The following SSBP4 variants were observed in gnomAD, a reference collection of about 807,000 sequenced individuals.
SSBP4 encodes the protein single stranded DNA binding protein 4.
SSBP4 carries 33 observed loss-of-function variants against 64.6 expected under a neutral mutation model. The observed-to-expected ratio is 0.51, with a 90% CI of 0.39 to 0.68. The LOEUF (loss-of-function observed/expected upper bound fraction) is 0.68, where lower values mean the gene tolerates loss of function less well. Ranked by LOEUF, SSBP4 falls within the 30% of genes least tolerant of loss-of-function variation. The pLI, the probability that SSBP4 is intolerant of heterozygous loss-of-function variation, is 0.00. For synonymous variants in SSBP4, 243 were observed against 224.0 expected, an observed-to-expected ratio of 1.08 and a Z score of -0.76; for missense variants, 583 against 566.8, an observed-to-expected ratio of 1.03 and a Z score of -0.29.
intron 4 of SSBP4, among the ~76,000 whole-genome samples, chr19:18,430,352 G>A (rs890284990): frequency 3.9e-5 from 6 of 152,174 alleles, no homozygotes; most frequent in South Asian, 2.1e-4. Flanking sequence ...CCAGCACCCT[G>A]TCTTGTCGCC....
chr19:18,426,976 G>T lies in SSBP4; in HGVS notation c.60-375G>T, dbSNP rs1384181544. Among the ~76,000 whole-genome samples, 2 of 152,080 alleles carry T rather than the reference G, an allele frequency of 1.3e-5. No homozygotes were observed. The highest frequency in any genetic ancestry group is 1.9e-4 in the East Asian group (1 of 5,192). On this transcript the variant is annotated intron_variant, in intron 1 of 17. Coordinates refer to ENST00000270061, the MANE Select transcript of SSBP4 (RefSeq NM_032627.5). This position sits in a 1 kb window ranked among gnomAD's most constrained non-coding sequence, Gnocchi z 4.5. The stretch of plus-strand genomic sequence containing the variant: ...CGGGGAGGCTGGGGATGAGTTTGGA[G>T]GTGGGCCCTGAGCACACTACATGGC...
At chr19:18,431,521 C>T (rs924619885) in intron 6 of SSBP4, 103 bp downstream of exon 6, 13 of 1,368,366 alleles carry the variant, frequency 9.5e-6, no homozygotes, top group African/African-American at 2.9e-5. Context: ...GCCAGCTGGC[C>T]GGGCTTTGCT....
the SSBP4 span, among the ~76,000 whole-genome samples, chr19:18,411,613 G>A: frequency 6.6e-6 from 1 of 152,166 alleles, no homozygotes; most frequent in Non-Finnish European, 1.5e-5. Flanking sequence ...AGAGAAGCTG[G>A]CCATGGTGTA....
Position 18,419,455 on chromosome 19 carries a change from G to C in SSBP4, c.-194G>C. On this transcript the variant is annotated 5_prime_UTR_variant, in exon 1 of 18. Coordinates refer to ENST00000270061, the MANE Select transcript of SSBP4 (RefSeq NM_032627.5). ...AGGAAAAAAAGCCACCCTGCGGCCG[G>C]GGCCGGAGCTGGAGCCGCCGCTGCC... 9.4e-7 allele frequency: 1 copy of C among 1,064,604 alleles called. No homozygotes were observed. Among genetic ancestry groups the C allele is most frequent in the Non-Finnish European group, 1.1e-6 (1 of 882,756 alleles). 65.9% of individuals were successfully genotyped at this position (1,064,604 alleles called of 1,614,324 possible).
Position 18,430,841 on chromosome 19 carries a change from A to G in SSBP4, c.280A>G (p.Ser94Gly). ...SGEAKAFQDY[S>G]AAAAPSPVMG... is the part of the protein sequence containing the mutation. Reference sequence around the variant, plus strand: ...CTCTGGGTTTCCCGCACCCTTACAGAGTGCTGCAGCCGCCCCCAGCCCCGT... The same window carrying G: ...CTCTGGGTTTCCCGCACCCTTACAGGGTGCTGCAGCCGCCCCCAGCCCCGT... Residue 94 changes from serine to glycine, a missense_variant and splice_region_variant, in exon 5 of 18, where the codon AGT (serine) becomes GGT (glycine). Ser to Gly is a moderately conservative substitution (Grantham distance 56, BLOSUM62 0). Around this residue, in one of 5 missense-constraint regions of SSBP4, gnomAD observed 444 missense variants for 386.6 expected, o/e 1.15. Coordinates refer to ENST00000270061, the MANE Select transcript of SSBP4 (RefSeq NM_032627.5). 1 of 1,611,898 alleles carries G rather than the reference A, an allele frequency of 6.2e-7. No individual in the cohort carries two copies. Among genetic ancestry groups the G allele is most frequent in the South Asian group, 1.1e-5 (1 of 90,950 alleles).
the SSBP4 span, among the ~76,000 whole-genome samples, chr19:18,407,211 T>C: frequency 6.6e-6 from 1 of 151,626 alleles, no homozygotes; most frequent in Non-Finnish European, 1.5e-5. Context: ...CTAATTTTTG[T>C]ATTTTTAGTA....
chr19:18,406,852 G>C, the SSBP4 span, among the ~76,000 whole-genome samples: 1 of 151,898 alleles, frequency 6.6e-6, no homozygotes, highest in African/African-American at 2.4e-5. Context: ...GTCTGGGCCA[G>C]GGAGGACTTA....
chr19:18,425,256 G>C (rs563087361), intron 1 of SSBP4, among the ~76,000 whole-genome samples: 1 of 152,064 alleles, frequency 6.6e-6, no homozygotes, highest in Non-Finnish European at 1.5e-5. Flanking sequence ...CTGGGTGTGG[G>C]GTACCCAGAA....
chr19:18,430,736 C>T (rs561691515), intron 4 of SSBP4, 105 bp from the exon 5 acceptor site: 9 of 973,782 alleles, frequency 9.2e-6, no homozygotes, highest in East Asian at 2.8e-5. Flanking sequence ...AATGCCAGCT[C>T]GCTGTCCCAT....
chr19:18,419,102 T>A (rs979153316), upstream of SSBP4: 5 of 985,446 alleles, frequency 5.1e-6, no homozygotes, highest in African/African-American at 8.7e-5. Context: ...TCGCTGCGAA[T>A]GTGTGTGGCT....
rs769539712 is a variant in SSBP4 at position 18,430,939 on chromosome 19, C to T, written c.369+9C>T. On this transcript the variant is annotated intron_variant, in intron 5 of 17. Transcript: ENST00000270061. The stretch of plus-strand genomic sequence containing the variant: ...CGGCTGGCTTCTTCCAGGTATGGCC[C>T]CGGCTGGAGTCCACTGGCCCCCAAC... 6.2e-7 allele frequency: 1 copy of T among 1,611,030 alleles called. No individual in the cohort carries two copies. Among genetic ancestry groups the T allele is most frequent in the East Asian group, 2.2e-5 (1 of 44,844 alleles).
In SSBP4 at chr19:18,430,853, G is replaced by T. The variant is rs192982931; in HGVS notation, c.292G>T (p.Ala98Ser). The change falls in exon 5 of 18, where the codon GCC becomes TCC. Residue 98 changes from alanine to serine, a missense_variant. Ala to Ser is a moderately conservative substitution (Grantham distance 99). Coordinates refer to ENST00000270061, the MANE Select transcript of SSBP4 (RefSeq NM_032627.5). ...CGCACCCTTACAGAGTGCTGCAGCC[G>T]CCCCCAGCCCCGTTATGGGGAGTAT... ...KAFQDYSAAA[A>S]PSPVMGSMAP... The T allele has an allele frequency of 6.2e-7, 1 of 1,612,586 alleles. No homozygotes were observed. The highest frequency in any genetic ancestry group is 8.5e-7 in the Non-Finnish European group (1 of 1,179,424).
the SSBP4 span, among the ~76,000 whole-genome samples, chr19:18,403,005 A>T: frequency 6.6e-6 from 1 of 152,180 alleles, no homozygotes; most frequent in East Asian, 1.9e-4. Context: ...ATAAAACCCG[A>T]TTGTACATTT....
chr19:18,430,779 C>A, intron 4 of SSBP4, 62 bp from the exon 5 acceptor site: 2 of 1,481,306 alleles, frequency 1.4e-6, no homozygotes, highest in Non-Finnish European at 1.8e-6. Flanking sequence ...GGGGGGCACA[C>A]CCCAGGTAGG....
rs1972893136 is a variant in SSBP4 at position 18,426,880 on chromosome 19, A to G, written c.60-471A>G. On this transcript the variant is annotated intron_variant, in intron 1 of 17. Transcript: ENST00000270061. This position sits in a 1 kb window ranked among gnomAD's most constrained non-coding sequence, Gnocchi z 4.5. ...ATGGTGGATGGGCATCTCTTCCCCA[A>G]GGAAGAGATGGGGTCCAGGGACTGC... 6.6e-6 allele frequency among the ~76,000 whole-genome samples: 1 copy of G among 152,118 alleles called. No homozygotes were observed. Among genetic ancestry groups the G allele is most frequent in the Non-Finnish European group, 1.5e-5 (1 of 67,988 alleles).
chr19:18,414,211 G>A (rs747644532), upstream of SSBP4, among the ~76,000 whole-genome samples: 2 of 152,148 alleles, frequency 1.3e-5, no homozygotes, highest in South Asian at 2.1e-4. Context: ...GAGACACCTC[G>A]AGTCTCCCAG....
upstream of SSBP4, chr19:18,419,340 C>G (rs1444520860): frequency 1.5e-4 from 157 of 1,015,416 alleles, 2 homozygotes; most frequent in South Asian, 6.5e-3. Context: ...GAGCTGCGCC[C>G]GCGGGCGGCG....
rs1417973611 is a variant in SSBP4 at position 18,419,429 on chromosome 19, G to A, written c.-220G>A. The A allele has an allele frequency of 1.2e-5, 13 of 1,045,560 alleles. No homozygotes were observed. Among genetic ancestry groups the A allele is most frequent in the Non-Finnish European group, 1.5e-5 (13 of 870,916 alleles). 64.8% of individuals were successfully genotyped at this position (1,045,560 alleles called of 1,614,324 possible). A position where few individuals can be genotyped will look rare whatever the true frequency, so the allele number is the denominator to read the frequency against. ...CGGAACAGCCCGCGCGGAGGAAAGG[G>A]AGGAAAAAAAGCCACCCTGCGGCCG... is the stretch of plus-strand genomic sequence containing the variant. On this transcript the variant is annotated 5_prime_UTR_variant, in exon 1 of 18. Coordinates refer to ENST00000270061, the MANE Select transcript of SSBP4 (RefSeq NM_032627.5).
intron 5 of SSBP4, 43 bp from the exon 6 acceptor site, chr19:18,431,310 T>C: frequency 1.9e-6 from 1 of 521,596 alleles, no homozygotes; most frequent in East Asian, 4.1e-5. Flanking sequence ...CCAAACCCAG[T>C]AGGGCCTCAC....
Sources: allele counts gnomAD v4.1 joint callset (sites outside exome capture counted in the v4.1 genomes callset), GRCh38; gene constraint gnomAD v4.1.1; regional missense constraint gnomAD v4.1.1; non-coding constraint Gnocchi (gnomAD v3.1); transcripts MANE v1.5; gene names NCBI Gene and HGNC (gene_info 2026-07-23, HGNC 2026-07-21).